Variants in RUNX1 observed in about 807,000 individuals in gnomAD.
RUNX1 encodes the protein runt-related transcription factor 1.
A neutral mutation model predicts 42.8 loss-of-function variants in RUNX1; 19 were observed. The ratio of observed to expected loss-of-function variants is 0.44; its 90% CI spans 0.31 to 0.65. The LOEUF (loss-of-function observed/expected upper bound fraction) is 0.65, where lower values mean the gene tolerates loss of function less well. Ranked by LOEUF, RUNX1 falls within the 30% of genes least tolerant of loss-of-function variation. The probability of loss-of-function intolerance (pLI) is 0.07; values close to 1 mark genes in which losing one functional copy is unlikely to be tolerated. For synonymous variants in RUNX1, 271 were observed against 289.4 expected (o/e 0.94, Z 0.64); for missense variants, 528 against 672.0 (o/e 0.79, Z 2.37).
At chr21:34,891,501 G>A (rs1377505065) in intron 3 of RUNX1, among the ~76,000 whole-genome samples, 1 of 152,096 alleles carries the variant, frequency 6.6e-6, no homozygotes, top group African/African-American at 2.4e-5. Flanking sequence ...TTAGTCGGCC[G>A]GGCATTTTAC....
At chr21:34,987,688 G>A (rs553771321) in intron 2 of RUNX1, among the ~76,000 whole-genome samples, 3 of 152,284 alleles carry the variant, frequency 2.0e-5, no homozygotes, top group Admixed American at 1.3e-4. Flanking sequence ...GAAAAAAAGA[G>A]CATTTTATCC....
chr21:34,837,272 G>A (rs1412965524), intron 6 of RUNX1, among the ~76,000 whole-genome samples: 3 of 152,142 alleles, frequency 2.0e-5, no homozygotes, highest in Non-Finnish European at 4.4e-5. Context: ...CTCTCCCCAC[G>A]TGTGTTCCTG....
At chr21:35,020,655 A>G (rs561952577) in intron 2 of RUNX1, among the ~76,000 whole-genome samples, 1 of 152,256 alleles carries the variant, frequency 6.6e-6, no homozygotes, top group East Asian at 1.9e-4. Flanking sequence ...TGGCTGCTGC[A>G]TCGACTTCCT....
At chr21:34,886,348 GA>G (rs1042297935) in intron 4 of RUNX1, among the ~76,000 whole-genome samples, 14 of 151,968 alleles carry the variant, frequency 9.2e-5, no homozygotes, top group African/African-American at 1.9e-4. Flanking sequence ...TAGAGAAGGG[GA>G]AAAAAAATCC....
intron 2 of RUNX1, among the ~76,000 whole-genome samples, chr21:34,971,512 T>G (rs73900752): frequency 6.6e-5 from 10 of 151,656 alleles, no homozygotes; most frequent in African/African-American, 2.4e-4. Flanking sequence ...CAGCCATCCA[T>G]CCATCCATCC....
At chr21:34,982,294 A>G (rs1303480377) in intron 2 of RUNX1, among the ~76,000 whole-genome samples, 1 of 152,144 alleles carries the variant, frequency 6.6e-6, no homozygotes, top group African/African-American at 2.4e-5. Flanking sequence ...GGGAACTACC[A>G]TTTACATCAT....
At chr21:34,809,963 G>C (rs1424813477) in intron 7 of RUNX1, among the ~76,000 whole-genome samples, 1 of 152,206 alleles carries the variant, frequency 6.6e-6, no homozygotes, top group South Asian at 2.1e-4. Flanking sequence ...TTCCACACAG[G>C]TGTGTGTCAT....
intron 2 of RUNX1, among the ~76,000 whole-genome samples, chr21:34,959,919 G>A (rs1569125524): frequency 6.6e-6 from 1 of 152,158 alleles, no homozygotes; most frequent in Non-Finnish European, 1.5e-5. Context: ...AGGGTCAAGG[G>A]GGCTACCTGG....
In RUNX1 at chr21:34,803,658, T is replaced by C. The variant is rs118141016; in HGVS notation, c.806-4196A>G. Among the ~76,000 whole-genome samples the C allele has an allele frequency of 3.2e-4, 48 of 152,332 alleles. No homozygotes were observed. The East Asian group carries it at 8.7e-3, about 28-fold the overall frequency. On this transcript the variant is annotated intron_variant, in intron 7 of 8. Coordinates refer to ENST00000675419, the MANE Select transcript of RUNX1 (RefSeq NM_001754.5). ...ATGATGTCTGATGCAGCCACTTTACTGAGGCCATTTTGTGATGGGTTATTT... is the reference window on the plus strand; with the variant it reads ...ATGATGTCTGATGCAGCCACTTTACCGAGGCCATTTTGTGATGGGTTATTT...
chr21:34,933,950 C>G (rs1223171330), intron 2 of RUNX1, among the ~76,000 whole-genome samples: 1 of 152,188 alleles, frequency 6.6e-6, no homozygotes, highest in Non-Finnish European at 1.5e-5. Context: ...TTGGATTTCC[C>G]AGTGGCTACC....
chr21:34,896,498 C>A (rs1446029066), intron 2 of RUNX1, among the ~76,000 whole-genome samples: 16 of 152,174 alleles, frequency 1.1e-4, no homozygotes, highest in Admixed American at 1.0e-3. Flanking sequence ...GCCTGACCAA[C>A]ATGGTAAAAC....
chr21:34,889,663 G>A, intron 3 of RUNX1: 5 of 1,130,290 alleles, frequency 4.4e-6, no homozygotes, highest in Non-Finnish European at 5.5e-6. Flanking sequence ...AGCGGCCCCA[G>A]GTGCGGAACC....
chr21:34,889,249 G>C (rs1205180223), intron 3 of RUNX1, among the ~76,000 whole-genome samples: 1 of 152,080 alleles, frequency 6.6e-6, no homozygotes, highest in African/African-American at 2.4e-5. Flanking sequence ...CGGGGCCCGG[G>C]GGAGCCACTC....
At chr21:35,046,966 C>A (rs1272389957) in intron 2 of RUNX1, among the ~76,000 whole-genome samples, 1 of 152,090 alleles carries the variant, frequency 6.6e-6, no homozygotes, top group East Asian at 1.9e-4. Context: ...GTCCATCGGG[C>A]ACAGGAGCCC....
intron 8 of RUNX1, among the ~76,000 whole-genome samples, chr21:34,795,455 AG>A (rs2056513250): frequency 6.6e-6 from 1 of 152,092 alleles, no homozygotes; most frequent in South Asian, 2.1e-4. Flanking sequence ...GAATGTGATG[AG>A]GGGATACACT....
chr21:35,001,025 T>A (rs1224299914), intron 2 of RUNX1, among the ~76,000 whole-genome samples: 2 of 152,192 alleles, frequency 1.3e-5, no homozygotes, highest in Non-Finnish European at 2.9e-5. Flanking sequence ...GTTTCCAGAT[T>A]TCTTACGCTG....
At chr21:34,973,328 T>G (rs1295174371) in intron 2 of RUNX1, among the ~76,000 whole-genome samples, 2 of 152,220 alleles carry the variant, frequency 1.3e-5, no homozygotes, top group Non-Finnish European at 2.9e-5. Flanking sequence ...AATTTTTGTC[T>G]GTGAATGGAG....
intron 2 of RUNX1, among the ~76,000 whole-genome samples, chr21:34,914,663 A>G (rs975956518): frequency 2.6e-5 from 4 of 152,174 alleles, no homozygotes; most frequent in Admixed American, 6.5e-5. Flanking sequence ...TGCCTGCAGG[A>G]AGCACACATT....
intron 3 of RUNX1, chr21:34,887,443 A>C: frequency 7.7e-7 from 1 of 1,299,730 alleles, no homozygotes; most frequent in Non-Finnish European, 9.8e-7. Context: ...CTGTTAGAAA[A>C]GTTCCTGAAG....
Sources: gnomAD v4.1 joint callset for allele counts (sites outside exome capture counted in the v4.1 genomes callset) on GRCh38, gnomAD v4.1.1 for gene constraint, MANE v1.5 for transcripts, NCBI Gene and HGNC (gene_info 2026-07-23, HGNC 2026-07-21) for gene names.